The following COG6 variants were observed in gnomAD, a reference collection of about 807,000 sequenced individuals.
COG6 encodes the protein conserved oligomeric Golgi complex subunit 6.
In COG6, 74 loss-of-function variants were observed where a neutral mutation model predicts 88.8. The observed-to-expected ratio is 0.83, with a 90% CI of 0.69 to 1.01. The LOEUF (loss-of-function observed/expected upper bound fraction) is 1.01, where lower values mean the gene tolerates loss of function less well. COG6 is among the 50% of genes least tolerant of loss of function. COG6 has a pLI of 0.00. For synonymous variants in COG6, 286 were observed against 278.7 expected, an observed-to-expected ratio of 1.03 and a Z score of -0.26; for missense variants, 800 against 797.9, an observed-to-expected ratio of 1.00 and a Z score of -0.03.
At chr13:39,748,876 T>C (rs1880477253) in intron 18 of COG6, among the ~76,000 whole-genome samples, 1 of 152,178 alleles carries the variant, frequency 6.6e-6, no homozygotes, top group African/African-American at 2.4e-5. Flanking sequence ...TGTTCCAAGA[T>C]CTTAAGTGGA....
intron 4 of COG6, among the ~76,000 whole-genome samples, chr13:39,666,067 A>G (rs1174149189): frequency 1.3e-5 from 2 of 152,210 alleles, no homozygotes; most frequent in East Asian, 1.9e-4. Context: ...AAAGCCTAAA[A>G]TATGTACTAT....
chr13:39,750,811 A>G (rs910464128), intron 18 of COG6, 135 bp from the exon 19 acceptor site: 5 of 682,672 alleles, frequency 7.3e-6, no homozygotes, highest in Non-Finnish European at 1.3e-5. Flanking sequence ...GTAGCCATAT[A>G]GTGATTATTA....
intron 18 of COG6, among the ~76,000 whole-genome samples, chr13:39,778,762 G>C (rs921226679): frequency 6.6e-6 from 1 of 152,210 alleles, no homozygotes. Flanking sequence ...GGGGCAGGAG[G>C]GGAGCCACTG....
chr13:39,735,694 G>A (rs1047874524), intron 18 of COG6, among the ~76,000 whole-genome samples: 1 of 138,636 alleles, frequency 7.2e-6, no homozygotes, highest in African/African-American at 2.6e-5. Flanking sequence ...CAGATGTGGT[G>A]TTGATGAAGT....
chr13:39,710,839 CT>C (rs201980274), intron 13 of COG6, among the ~76,000 whole-genome samples: 10,047 of 29,454 alleles, frequency 0.34, 399 homozygotes, highest in South Asian at 0.41. Flanking sequence ...TTAGCTGGTT[CT>C]TTTCTTTTTT....
At chr13:39,662,059 T>C (rs1033912707) in intron 3 of COG6, among the ~76,000 whole-genome samples, 37 of 152,028 alleles carry the variant, frequency 2.4e-4, no homozygotes, top group African/African-American at 8.9e-4. Flanking sequence ...AAGATCATAG[T>C]ATTTTTATTT....
chr13:39,786,250 G>A (rs1443619325), intron 18 of COG6, among the ~76,000 whole-genome samples: 2 of 152,314 alleles, frequency 1.3e-5, no homozygotes, highest in African/African-American at 2.4e-5. Context: ...CCCTCTCCAG[G>A]AGATTACAGG....
In COG6 at chr13:39,757,938, G is replaced by A. The variant is rs553739343; in HGVS notation, c.1826+30390G>A. Among the ~76,000 whole-genome samples the A allele has an allele frequency of 3.3e-5, 5 of 152,172 alleles. No homozygotes were observed. In the South Asian group the frequency reaches 6.2e-4, roughly 19 times the overall value. On this transcript the variant is annotated intron_variant, in intron 18 of 18. Coordinates refer to the COG6 transcript ENST00000416691. ...GCAATTCAACAATAAAAAGACAACC[G>A]AGGGCTGGCACAGTGGCTCATGCCT...
intron 5 of COG6, 85 bp downstream of exon 5, chr13:39,677,664 C>A: frequency 2.9e-6 from 2 of 694,754 alleles, no homozygotes; most frequent in African/African-American, 1.8e-5. Flanking sequence ...CTTTATTTTC[C>A]CATTAAAAAA....
intron 13 of COG6, among the ~76,000 whole-genome samples, chr13:39,710,282 T>G (rs1216986000): frequency 2.6e-5 from 4 of 152,160 alleles, no homozygotes; most frequent in Non-Finnish European, 5.9e-5. Context: ...TAAATTTTAT[T>G]TTACACATAT....
At position 39,687,565 on chromosome 13, in the gene COG6, C is replaced by T. The variant is rs148869108; in HGVS notation, c.851C>T (p.Ala284Val). Residue 284 changes from alanine (A) to valine (V), a missense_variant, in exon 9 of 19, where the codon GCG becomes GTG. Physicochemically the swap from Ala to Val is moderately conservative, Grantham distance 64 (BLOSUM62 0). Coordinates refer to ENST00000455146, the MANE Select transcript of COG6 (RefSeq NM_020751.3). ...ACAGTTGTTCGTGGATTTATTGATG[C>T]GCTCACAAGAGGGGGCCCCGGAGGT... The part of the protein sequence containing the change: ...RSTVVRGFID[A>V]LTRGGPGGTP... 6.3e-5 allele frequency: 101 copies of T among 1,612,622 alleles called. No homozygotes were observed. The highest frequency in any genetic ancestry group is 7.5e-5 in the Non-Finnish European group (88 of 1,179,254).
intron 13 of COG6, among the ~76,000 whole-genome samples, chr13:39,718,491 A>G (rs1878658695): frequency 6.6e-6 from 1 of 152,104 alleles, no homozygotes; most frequent in South Asian, 2.1e-4. Flanking sequence ...CCAAATAAGG[A>G]TAGTGAACTT....
intron 1 of COG6, 64 bp downstream of exon 1, chr13:39,655,943 C>T (rs930432504): frequency 1.1e-5 from 17 of 1,550,864 alleles, no homozygotes; most frequent in East Asian, 2.4e-5. Flanking sequence ...CCAGGGGCGG[C>T]GTCTGTCAGG....
rs1165874105 is a variant in COG6, at chr13:39,751,318, T to C, written c.*225T>C. The stretch of plus-strand genomic sequence containing the variant: ...TGTATCTACTCTAAATGAGATGATC[T>C]ATTTTTTTGCTAGCCATCTCTCCAG... On this transcript the variant is annotated 3_prime_UTR_variant, in exon 19 of 19. Coordinates refer to ENST00000455146, the MANE Select transcript of COG6 (RefSeq NM_020751.3). The C allele has an allele frequency of 6.8e-7, 1 of 1,480,890 alleles. No homozygotes were observed. The highest frequency in any genetic ancestry group is 9.0e-7 in the Non-Finnish European group (1 of 1,114,694). The allele number at this position is 1,480,890 out of a possible 1,614,324, so 91.7% of individuals were successfully genotyped here. A position where few individuals can be genotyped will look rare whatever the true frequency, so the allele number is the denominator to read the frequency against.
At chr13:39,656,001 AC>A in intron 1 of COG6, 122 bp downstream of exon 1, 2 of 1,243,336 alleles carry the variant, frequency 1.6e-6, no homozygotes, top group Non-Finnish European at 1.2e-6. Flanking sequence ...ACCGCGAGTG[AC>A]CCCAGACCTG....
intron 11 of COG6, among the ~76,000 whole-genome samples, chr13:39,694,301 C>G (rs903626833): frequency 6.6e-6 from 1 of 151,700 alleles, no homozygotes; most frequent in Non-Finnish European, 1.5e-5. Context: ...AGGGATGTAA[C>G]AGTTGCCTTT....
chr13:39,676,174 C>T (rs1875955144), intron 4 of COG6, among the ~76,000 whole-genome samples: 1 of 152,048 alleles, frequency 6.6e-6, no homozygotes, highest in Admixed American at 6.5e-5. Flanking sequence ...CTCTTCCTGT[C>T]CCCTTCTCCC....
At chr13:39,765,476 T>C (rs1881136827) in intron 18 of COG6, among the ~76,000 whole-genome samples, 2 of 152,258 alleles carry the variant, frequency 1.3e-5, no homozygotes, top group African/African-American at 4.8e-5. Flanking sequence ...ATATCTCATA[T>C]ACTAGAAATA....
chr13:39,777,476 G>A (rs1475452421), intron 18 of COG6, among the ~76,000 whole-genome samples: 1 of 152,184 alleles, frequency 6.6e-6, no homozygotes, highest in Non-Finnish European at 1.5e-5. Flanking sequence ...AAAAATGTGA[G>A]AGTTGTTGGA....
Sources: allele counts gnomAD v4.1 joint callset (sites outside exome capture counted in the v4.1 genomes callset), GRCh38; gene constraint gnomAD v4.1.1; transcripts MANE v1.5; gene names NCBI Gene and HGNC (gene_info 2026-07-23, HGNC 2026-07-21).